ABCA4: variants seen among roughly 807,000 people sequenced by gnomAD.
The protein encoded by ABCA4 is retinal-specific phospholipid-transporting ATPase ABCA4.
ABCA4 carries 196 observed loss-of-function variants against 263.7 expected under a neutral mutation model. That is an observed-to-expected ratio of 0.74 (90% CI 0.66 to 0.84). ABCA4 has a LOEUF of 0.84. ABCA4 is among the 40% of genes least tolerant of loss of function. The probability of loss-of-function intolerance (pLI) is 0.00; values close to 1 mark genes in which losing one functional copy is unlikely to be tolerated. For missense variants in ABCA4, 2,792 were observed against 2,855.1 expected, an observed-to-expected ratio of 0.98 and a Z score of 0.50; for synonymous variants, 1,133 against 1,094.2, an observed-to-expected ratio of 1.04 and a Z score of -0.70.
At chr1:94,081,003 T>C (rs959006691) in intron 7 of ABCA4, among the ~76,000 whole-genome samples, 65 of 152,100 alleles carry the variant, frequency 4.3e-4, no homozygotes, top group African/African-American at 1.5e-3. Flanking sequence ...GGCGGGCGGA[T>C]CACGAGGTCA....
intron 14 of ABCA4, among the ~76,000 whole-genome samples, chr1:94,057,973 G>A (rs1473456714): frequency 6.6e-6 from 1 of 152,210 alleles, no homozygotes; most frequent in East Asian, 1.9e-4. Context: ...GTTCCCTGGA[G>A]CTCTGGCTTC....
chr1:94,077,321 G>C (rs983168528), intron 11 of ABCA4, among the ~76,000 whole-genome samples: 1 of 152,174 alleles, frequency 6.6e-6, no homozygotes, highest in African/African-American at 2.4e-5. Flanking sequence ...TGTAGAACTT[G>C]AGGGCAGGAG....
intron 7 of ABCA4, among the ~76,000 whole-genome samples, 164 bp downstream of exon 7, chr1:94,083,188 C>T (rs1335409869): frequency 6.6e-6 from 1 of 152,176 alleles, no homozygotes; most frequent in Non-Finnish European, 1.5e-5. Context: ...CTTAAGAGCA[C>T]AGATAATTTG....
intron 10 of ABCA4, 121 bp from the exon 11 acceptor site, chr1:94,078,008 A>G: frequency 1.1e-6 from 1 of 923,470 alleles, no homozygotes; most frequent in Non-Finnish European, 1.7e-6. Flanking sequence ...CTCCCTGAAG[A>G]GCTGGTGAGC....
intron 11 of ABCA4, among the ~76,000 whole-genome samples, chr1:94,068,312 TC>T (rs1345707720): frequency 6.6e-6 from 1 of 152,092 alleles, no homozygotes; most frequent in East Asian, 1.9e-4. Flanking sequence ...CCCCACATCT[TC>T]CCTAGATCAA....
Position 94,021,887 on chromosome 1 carries a change from C to T in ABCA4, c.4732G>A (p.Gly1578Arg), listed in dbSNP as rs1800551. 2.0e-5 allele frequency: 32 copies of T among 1,614,166 alleles called. No homozygotes were observed. Among genetic ancestry groups the T allele is most frequent in the Non-Finnish European group, 2.5e-5 (30 of 1,180,010 alleles). The change falls in exon 33 of 50, where the codon GGG becomes AGG. Residue 1578 changes from glycine (G) to arginine (R), a missense_variant. Physicochemically the swap from Gly to Arg is moderately radical, Grantham distance 125. Transcript: ENST00000370225. ...VVPITGEALV[G>R]FLSDLGRIMN... ...ATCCGGCCAAGGTCGCTTAAAAACCCAACAAGTGCTTCCCCCGTGATGGGG... is the reference window on the plus strand; with the variant it reads ...ATCCGGCCAAGGTCGCTTAAAAACCTAACAAGTGCTTCCCCCGTGATGGGG...
In ABCA4 at chr1:94,031,102, A is replaced by T; in HGVS notation, c.4147T>A (p.Phe1383Ile). ...FLAQIVLPAT[F>I]VFLALMLSIV... Reference sequence around the variant, plus strand: ...GAAAGCATCAGAGCCAAAAACACAAAGGTAGCCGGGAGCACGATCTGTGGG... The same window carrying T: ...GAAAGCATCAGAGCCAAAAACACAATGGTAGCCGGGAGCACGATCTGTGGG... Residue 1383 changes from phenylalanine to isoleucine, a missense_variant, in exon 28 of 50, where the codon TTT becomes ATT. By Grantham distance (21) the Phe-to-Ile change is conservative (BLOSUM62 0). Transcript: ENST00000370225. The T allele has an allele frequency of 6.2e-7, 1 of 1,614,140 alleles. No homozygotes were observed. Among genetic ancestry groups the T allele is most frequent in the Non-Finnish European group, 8.5e-7 (1 of 1,180,002 alleles).
intron 18 of ABCA4, among the ~76,000 whole-genome samples, 158 bp downstream of exon 18, chr1:94,048,710 G>A (rs1465337433): frequency 6.6e-6 from 1 of 152,196 alleles, no homozygotes; most frequent in Non-Finnish European, 1.5e-5. Flanking sequence ...ACATGCAGAT[G>A]GACCTCTGAG....
At chr1:94,005,963 C>T (rs4147862) in intron 43 of ABCA4, among the ~76,000 whole-genome samples, 28,089 of 151,978 alleles carry the variant, frequency 0.18, 2,689 homozygotes, top group African/African-American at 0.22. Flanking sequence ...GCATGTGTCC[C>T]GATGGAAGTA....
At chr1:94,026,170 G>A (rs576886466) in intron 30 of ABCA4, among the ~76,000 whole-genome samples, 3 of 152,262 alleles carry the variant, frequency 2.0e-5, no homozygotes, top group East Asian at 3.9e-4. Context: ...GCATTACACC[G>A]CCGTTATTGC....
intron 1 of ABCA4, among the ~76,000 whole-genome samples, chr1:94,116,968 CTCTTTCTTTCTTTCTTTCTT>C (rs57665252): frequency 4.3e-4 from 43 of 100,052 alleles, no homozygotes; most frequent in African/African-American, 1.2e-3. Flanking sequence ...TTCTTTCTTT[CTCTTTCTTTCTTTCTTTCTT>C]TCTTTCTTTC....
intron 4 of ABCA4, among the ~76,000 whole-genome samples, chr1:94,103,836 C>T (rs1662349765): frequency 1.3e-5 from 2 of 152,192 alleles, no homozygotes; most frequent in East Asian, 1.9e-4. Flanking sequence ...GAGCCAGGCA[C>T]ATGCCGGGGC....
intron 6 of ABCA4, among the ~76,000 whole-genome samples, chr1:94,091,775 A>C (rs1231435625): frequency 6.6e-6 from 1 of 152,222 alleles, no homozygotes; most frequent in East Asian, 1.9e-4. Context: ...ATCTGCCTCT[A>C]CTAACTGAGG....
chr1:94,004,849 G>C (rs1290297800), intron 44 of ABCA4, among the ~76,000 whole-genome samples: 1 of 152,124 alleles, frequency 6.6e-6, no homozygotes, highest in African/African-American at 2.4e-5. Context: ...TATTTGCAAA[G>C]GTAAGCAGAC....
chr1:94,079,176 TG>T (rs1661618354), intron 9 of ABCA4, 145 bp downstream of exon 9: 5 of 1,170,330 alleles, frequency 4.3e-6, no homozygotes, highest in Admixed American at 1.9e-5. Flanking sequence ...TGACTGTGGA[TG>T]GGGGAGGAAA....
intron 22 of ABCA4, 137 bp downstream of exon 22, chr1:94,042,624 A>G: frequency 8.2e-7 from 1 of 1,224,766 alleles, no homozygotes; most frequent in Non-Finnish European, 1.2e-6. Context: ...AGATTCACCA[A>G]GTCACTGATA....
intron 38 of ABCA4, among the ~76,000 whole-genome samples, chr1:94,011,710 AT>A (rs1281911096): frequency 2.6e-5 from 4 of 152,278 alleles, no homozygotes; most frequent in Admixed American, 2.0e-4. Flanking sequence ...TCTTCTAAAC[AT>A]TTACTATGCT....
chr1:94,065,685 T>C (rs1661250909), intron 11 of ABCA4, among the ~76,000 whole-genome samples: 1 of 152,190 alleles, frequency 6.6e-6, no homozygotes, highest in Admixed American at 6.5e-5. Context: ...AAGAAAACTA[T>C]TAGTGTTCCA....
At chr1:94,112,857 C>G in intron 2 of ABCA4, 116 bp downstream of exon 2, 1 of 791,354 alleles carries the variant, frequency 1.3e-6, no homozygotes, top group Non-Finnish European at 2.3e-6. Context: ...GCATCATAGA[C>G]ATGAAATGAT....
Sources: gnomAD v4.1 joint callset for allele counts (sites outside exome capture counted in the v4.1 genomes callset) on GRCh38, gnomAD v4.1.1 for gene constraint, MANE v1.5 for transcripts, NCBI Gene and HGNC (gene_info 2026-07-23, HGNC 2026-07-21) for gene names.